Variants in NSUN6 observed in about 807,000 individuals in gnomAD.
The protein encoded by NSUN6 is tRNA (cytosine(72)-C(5))-methyltransferase NSUN6.
In NSUN6, 64 loss-of-function variants were observed where a neutral mutation model predicts 58.0. That is an observed-to-expected ratio of 1.10 (90% CI 0.90 to 1.36). The LOEUF is 1.36. NSUN6 is among the 40% of genes most tolerant of loss of function. The pLI is 0.00. For synonymous variants in NSUN6, 231 were observed against 193.9 expected (o/e 1.19, Z -1.59); for missense variants, 701 against 550.1 (o/e 1.27, Z -2.74).
chr10:18,605,627 G>A (rs574211761), intron 6 of NSUN6, among the ~76,000 whole-genome samples: 16 of 152,308 alleles, frequency 1.1e-4, no homozygotes, highest in African/African-American at 1.2e-4. Context: ...ATCAGTTGGC[G>A]TCTAGATAGG....
chr10:18,647,136 T>C (rs2059568663), intron 2 of NSUN6, among the ~76,000 whole-genome samples: 1 of 152,224 alleles, frequency 6.6e-6, no homozygotes, highest in South Asian at 2.1e-4. Context: ...TTGGTACTTA[T>C]AGTTGTTCTT....
chr10:18,570,959 TCCATTCCATTC>T lies in NSUN6; in HGVS notation c.922+14979_922+14989del, dbSNP rs546067720. 4.0e-4 allele frequency among the ~76,000 whole-genome samples: 60 copies of T among 151,340 alleles called. No individual in the cohort carries two copies. The East Asian group carries it at 0.012, about 29-fold the overall frequency. On this transcript the variant is annotated intron_variant, in intron 8 of 10. Coordinates refer to ENST00000377304, the MANE Select transcript of NSUN6 (RefSeq NM_182543.5). ...ATTCTACATTCCATGTTCTCTTTTCTCCATTCCATTCCCATTCCATTTTCCATTCCATTCTA... is the reference window on the plus strand; with the variant it reads ...ATTCTACATTCCATGTTCTCTTTTCTCCATTCCATTTTCCATTCCATTCTA...
chr10:18,622,018 T>C (rs368521810), intron 3 of NSUN6, among the ~76,000 whole-genome samples: 28 of 6,844 alleles, frequency 4.1e-3, no homozygotes, highest in Non-Finnish European at 4.1e-3. Context: ...TTCACACATA[T>C]ATATATATAT....
intron 7 of NSUN6, among the ~76,000 whole-genome samples, chr10:18,586,483 G>A (rs956362213): frequency 1.3e-4 from 20 of 152,160 alleles, no homozygotes; most frequent in Admixed American, 1.0e-3. Flanking sequence ...TAAAGGTGGC[G>A]CGTCTGCAGT....
intron 7 of NSUN6, among the ~76,000 whole-genome samples, chr10:18,592,860 G>A (rs1396243305): frequency 6.6e-6 from 1 of 152,170 alleles, no homozygotes; most frequent in African/African-American, 2.4e-5. Flanking sequence ...ATTGACAAAT[G>A]GGATCTAATT....
chr10:18,627,259 T>C (rs2058843581), intron 3 of NSUN6, among the ~76,000 whole-genome samples: 1 of 152,256 alleles, frequency 6.6e-6, no homozygotes, highest in South Asian at 2.1e-4. Context: ...GATGCATTAC[T>C]GTTAAAATTG....
intron 8 of NSUN6, among the ~76,000 whole-genome samples, chr10:18,557,515 G>C (rs1288861937): frequency 6.6e-6 from 1 of 151,280 alleles, no homozygotes; most frequent in Admixed American, 6.6e-5. Context: ...GAATAGAATG[G>C]AAGGGAGAAT....
At chr10:18,658,903 T>C (rs755183292), upstream of NSUN6, among the ~76,000 whole-genome samples, 1 of 151,000 alleles carries the variant, frequency 6.6e-6, no homozygotes, top group Non-Finnish European at 1.5e-5. Flanking sequence ...AATGAATAGA[T>C]TAATAAATGA....
At chr10:18,611,061 G>A (rs990863963) in intron 5 of NSUN6, among the ~76,000 whole-genome samples, 2 of 152,024 alleles carry the variant, frequency 1.3e-5, no homozygotes, top group African/African-American at 4.8e-5. Context: ...GCATGGTGGA[G>A]TGTACCTGTA....
chr10:18,558,270 T>C (rs1157580558), intron 8 of NSUN6, among the ~76,000 whole-genome samples: 2 of 140,028 alleles, frequency 1.4e-5, no homozygotes, highest in African/African-American at 5.4e-5. Context: ...TGGAAGGGAA[T>C]GGAATGGAGA....
At chr10:18,607,506 G>C (rs1416963315) in intron 6 of NSUN6, among the ~76,000 whole-genome samples, 9 of 152,172 alleles carry the variant, frequency 5.9e-5, no homozygotes, top group Non-Finnish European at 1.0e-4. Context: ...GCTTGAAAAG[G>C]AAGTTATAAC....
intron 3 of NSUN6, among the ~76,000 whole-genome samples, chr10:18,636,459 G>A (rs11015258): frequency 8.6e-5 from 13 of 151,222 alleles, no homozygotes; most frequent in African/African-American, 2.4e-4. Context: ...TCAGGAGTTC[G>A]AGACCAGCCT....
intron 6 of NSUN6, among the ~76,000 whole-genome samples, chr10:18,608,963 G>C (rs537835622): frequency 2.6e-5 from 4 of 152,300 alleles, no homozygotes; most frequent in South Asian, 2.1e-4. Context: ...CCGTTGTTCT[G>C]TTTGTTCACA....
At chr10:18,557,834 TAAATAGAATGGA>T (rs1168719131) in intron 8 of NSUN6, among the ~76,000 whole-genome samples, 2 of 146,702 alleles carry the variant, frequency 1.4e-5, no homozygotes, top group Non-Finnish European at 3.0e-5. Flanking sequence ...AATGGAGGAT[TAAATAGAATGGA>T]AAATAGAATG....
intron 7 of NSUN6, among the ~76,000 whole-genome samples, chr10:18,588,912 A>T (rs963523798): frequency 2.0e-5 from 3 of 152,192 alleles, no homozygotes; most frequent in Admixed American, 6.5e-5. Flanking sequence ...CTGGACAGGG[A>T]ATGAGACTGA....
chr10:18,572,941 T>C (rs543988672), intron 8 of NSUN6, among the ~76,000 whole-genome samples: 2 of 150,554 alleles, frequency 1.3e-5, no homozygotes, highest in Admixed American at 6.6e-5. Flanking sequence ...TTCCATTCCT[T>C]TCTCCATTCC....
At chr10:18,558,450 T>C (rs1160509011) in intron 8 of NSUN6, among the ~76,000 whole-genome samples, 1 of 142,700 alleles carries the variant, frequency 7.0e-6, no homozygotes, top group Non-Finnish European at 1.5e-5. Context: ...GTGTGGAGAA[T>C]GGAATAGAAT....
At chr10:18,582,391 C>A (rs2056943875) in intron 8 of NSUN6, among the ~76,000 whole-genome samples, 1 of 152,108 alleles carries the variant, frequency 6.6e-6, no homozygotes, top group Non-Finnish European at 1.5e-5. Flanking sequence ...GAATTTTAAG[C>A]CTCAGCACAC....
intron 3 of NSUN6, among the ~76,000 whole-genome samples, chr10:18,635,848 G>A (rs933727394): frequency 4.7e-5 from 7 of 149,814 alleles, no homozygotes; most frequent in Non-Finnish European, 8.9e-5. Flanking sequence ...GTTGTTTTTT[G>A]TCGTTTTTTT....
Sources: gnomAD v4.1 joint callset for allele counts (sites outside exome capture counted in the v4.1 genomes callset) on GRCh38, gnomAD v4.1.1 for gene constraint, MANE v1.5 for transcripts, NCBI Gene and HGNC (gene_info 2026-07-23, HGNC 2026-07-21) for gene names.